Variants in SECISBP2 observed in about 807,000 individuals in gnomAD.
SECISBP2 encodes selenocysteine insertion sequence-binding protein 2.
SECISBP2 carries 96 observed loss-of-function variants against 98.2 expected under a neutral mutation model. The ratio of observed to expected loss-of-function variants is 0.98; its 90% CI spans 0.83 to 1.16. SECISBP2 has a LOEUF of 1.16. Among genes scored for constraint, SECISBP2 ranks in the 50% most tolerant of loss-of-function variants. The pLI, the probability that SECISBP2 is intolerant of heterozygous loss-of-function variation, is 0.00. For synonymous variants in SECISBP2, 407 were observed against 370.2 expected, an observed-to-expected ratio of 1.10 and a Z score of -1.14; for missense variants, 1,046 against 1,022.9, an observed-to-expected ratio of 1.02 and a Z score of -0.31.
chr9:89,349,996 A>G, intron 13 of SECISBP2, 67 bp downstream of exon 13: 5 of 1,566,554 alleles, frequency 3.2e-6, no homozygotes, highest in Non-Finnish European at 4.4e-6. Flanking sequence ...TATGGCATTG[A>G]TATCTCCCAT....
At position 89,348,706 on chromosome 9, in the gene SECISBP2, T is replaced by C. The variant is rs535888766; in HGVS notation, c.1738+492T>C. Among the ~76,000 whole-genome samples the C allele has an allele frequency of 5.3e-5, 8 of 152,376 alleles. No individual in the cohort carries two copies. In the South Asian group the frequency reaches 1.7e-3, roughly 32 times the overall value. Reference sequence around the variant, plus strand: ...AAGAAGCAAAACACAGCCCAGCAATTGCTTGTGCCCTCTTGTCAGAGGCCT... The same window carrying C: ...AAGAAGCAAAACACAGCCCAGCAATCGCTTGTGCCCTCTTGTCAGAGGCCT... On this transcript the variant is annotated intron_variant, in intron 12 of 16. Coordinates refer to ENST00000375807, the MANE Select transcript of SECISBP2 (RefSeq NM_024077.5).
At chr9:89,321,665 CAA>C (rs1378996910) in intron 2 of SECISBP2, among the ~76,000 whole-genome samples, 1 of 138,844 alleles carries the variant, frequency 7.2e-6, no homozygotes, top group Non-Finnish European at 1.6e-5. Flanking sequence ...GACTCTCTCT[CAA>C]AAAAAAAAAA....
chr9:89,364,894 A>G, the SECISBP2 span: 7,600 of 114,864 alleles, frequency 0.066, 251 homozygotes, highest in Middle Eastern at 0.17. Flanking sequence ...CCTAGACACT[A>G]TTTGTTCCAG....
intron 7 of SECISBP2, among the ~76,000 whole-genome samples, chr9:89,335,540 C>T: frequency 6.6e-6 from 1 of 152,052 alleles, no homozygotes; most frequent in East Asian, 1.9e-4. Context: ...ACCATATTGG[C>T]TAGGCTAATC....
intron 12 of SECISBP2, among the ~76,000 whole-genome samples, 162 bp from the exon 13 acceptor site, chr9:89,349,614 G>T (rs749716616): frequency 4.6e-5 from 7 of 152,218 alleles, no homozygotes; most frequent in Non-Finnish European, 1.0e-4. Flanking sequence ...AGGCATCCTC[G>T]TCTGTTTTTT....
chr9:89,327,377 CCTT>C (rs972137784), intron 4 of SECISBP2, among the ~76,000 whole-genome samples: 41 of 152,150 alleles, frequency 2.7e-4, no homozygotes, highest in African/African-American at 9.6e-4. Context: ...CAATAATTAA[CCTT>C]AGCTTACTGT....
intron 10 of SECISBP2, among the ~76,000 whole-genome samples, chr9:89,345,709 G>A (rs1830320942): frequency 6.6e-6 from 1 of 151,742 alleles, no homozygotes; most frequent in Non-Finnish European, 1.5e-5. Context: ...CTTGTGGCAG[G>A]TTTTGCAGGA....
At chr9:89,364,807 G>A in the SECISBP2 span, 1 of 152,272 alleles carries the variant, frequency 6.6e-6, no homozygotes, top group Admixed American at 6.5e-5. Context: ...GTTCCCCTGT[G>A]GCCCAGGCTG....
At position 89,338,641 on chromosome 9, in the gene SECISBP2, A is replaced by T; in HGVS notation, c.1212+61A>T. On this transcript the variant is annotated intron_variant, in intron 8 of 16. Transcript: ENST00000375807. ...AATAAGTGGGTCTTTCTTAAAAGAA[A>T]CTTGGGTTCATATTGGTTTCCTAAG... 3.2e-6 allele frequency: 5 copies of T among 1,546,024 alleles called. No individual in the cohort carries two copies. The East Asian group carries it at 1.1e-4, about 35-fold the overall frequency.
At chr9:89,356,634 CTTCT>C (rs999129854) in intron 14 of SECISBP2, 7 of 151,340 alleles carry the variant, frequency 4.6e-5, no homozygotes, top group African/African-American at 1.7e-4. Context: ...AATTTTTTTT[CTTCT>C]TTTTTTTTTT....
At chr9:89,333,079 T>A in intron 6 of SECISBP2, 93 bp downstream of exon 6, 1 of 1,094,274 alleles carries the variant, frequency 9.1e-7, no homozygotes, top group Non-Finnish European at 1.4e-6. Flanking sequence ...ATTTTTGTTG[T>A]AAAGACTTAA....
At chr9:89,356,028 T>G (rs1280331551) in intron 14 of SECISBP2, among the ~76,000 whole-genome samples, 1 of 152,216 alleles carries the variant, frequency 6.6e-6, no homozygotes, top group Non-Finnish European at 1.5e-5. Context: ...TGTAGTAACT[T>G]ACAGTATTTT....
downstream of SECISBP2, chr9:89,363,583 T>C (rs1470785863): frequency 6.2e-7 from 1 of 1,607,962 alleles, no homozygotes; most frequent in Non-Finnish European, 8.5e-7. Flanking sequence ...ATGGCACCCT[T>C]GATGCCCACT....
rs1291192679 is a variant in SECISBP2 at position 89,326,573 on chromosome 9, A to G, written c.574+535A>G. ...ATTTGCAATACAATAAAATGTCTAA[A>G]AAGAATAATTAAAATGCCCAGCTGC... On this transcript the variant is annotated intron_variant, in intron 4 of 16. Coordinates refer to ENST00000375807, the MANE Select transcript of SECISBP2 (RefSeq NM_024077.5). Among the ~76,000 whole-genome samples, 4 of 152,228 alleles carry G rather than the reference A, an allele frequency of 2.6e-5. No homozygotes were observed. In the East Asian group the frequency reaches 5.8e-4, roughly 22 times the overall value.
In SECISBP2 at chr9:89,350,855, A is replaced by T; in HGVS notation, c.2113+3A>T. 6.2e-7 allele frequency: 1 copy of T among 1,613,188 alleles called. No homozygotes were observed. The highest frequency in any genetic ancestry group is 8.5e-7 in the Non-Finnish European group (1 of 1,179,300). ...CTGTGAGAAGATACAGTCAAAAGGT[A>T]AAGGCACAGTGTGGTCCTGTGATAT... On this transcript the variant is annotated splice_donor_region_variant and intron_variant, in intron 14 of 16. Coordinates refer to ENST00000375807, the MANE Select transcript of SECISBP2 (RefSeq NM_024077.5).
intron 12 of SECISBP2, 66 bp from the exon 13 acceptor site, chr9:89,349,710 G>A: frequency 6.4e-7 from 1 of 1,571,124 alleles, no homozygotes; most frequent in Non-Finnish European, 8.8e-7. Context: ...GACTGCATTG[G>A]GCCAGCCCCT....
At chr9:89,352,094 C>T (rs1692147401) in intron 14 of SECISBP2, among the ~76,000 whole-genome samples, 1 of 152,204 alleles carries the variant, frequency 6.6e-6, no homozygotes, top group African/African-American at 2.4e-5. Flanking sequence ...CCCAATAGAG[C>T]AAAAGGGCTT....
rs1831836086 is a variant in SECISBP2 at position 89,354,903 on chromosome 9, G to C, written c.2114-2508G>C. 20 of 985,292 alleles carry C rather than the reference G, an allele frequency of 2.0e-5. No homozygotes were observed. In the South Asian group the frequency reaches 7.0e-4, roughly 35 times the overall value. The allele number at this position is 985,292 out of a possible 1,614,324, so 61.0% of individuals were successfully genotyped here. Reference sequence around the variant, plus strand: ...TGACAAACTGAATATAGATTTCACTGTAAGTATACCTCAGGAATACGGAAC... The same window carrying C: ...TGACAAACTGAATATAGATTTCACTCTAAGTATACCTCAGGAATACGGAAC... On this transcript the variant is annotated intron_variant, in intron 14 of 16. Coordinates refer to ENST00000375807, the MANE Select transcript of SECISBP2 (RefSeq NM_024077.5).
downstream of SECISBP2, among the ~76,000 whole-genome samples, chr9:89,363,270 C>G (rs983586704): frequency 5.3e-5 from 8 of 152,280 alleles, no homozygotes; most frequent in Non-Finnish European, 8.8e-5. Flanking sequence ...TGGGATTTCC[C>G]CCCCCAGTGT....
Sources: allele counts gnomAD v4.1 joint callset (sites outside exome capture counted in the v4.1 genomes callset), GRCh38; gene constraint gnomAD v4.1.1; transcripts MANE v1.5; gene names NCBI Gene and HGNC (gene_info 2026-07-23, HGNC 2026-07-21).